Variants in MLLT3 observed in about 807,000 individuals in gnomAD.
MLLT3 encodes protein AF-9.
In MLLT3, 4 loss-of-function variants were observed where a neutral mutation model predicts 53.2. The ratio of observed to expected loss-of-function variants is 0.08; its 90% CI spans 0.04 to 0.17. MLLT3 has a LOEUF of 0.17. MLLT3 is among the 10% of genes least tolerant of loss of function. The pLI is 1.00. For synonymous variants in MLLT3, 283 were observed against 230.6 expected (o/e 1.23, Z -2.06); for missense variants, 569 against 684.0 (o/e 0.83, Z 1.87).
intron 2 of MLLT3, among the ~76,000 whole-genome samples, chr9:20,578,581 C>CTA (rs1289195223): frequency 1.3e-5 from 2 of 152,014 alleles, no homozygotes; most frequent in African/African-American, 4.8e-5. Flanking sequence ...GTCAAGAACA[C>CTA]TATGATATCT....
At chr9:20,607,617 G>T (rs1820602230) in intron 2 of MLLT3, among the ~76,000 whole-genome samples, 1 of 152,174 alleles carries the variant, frequency 6.6e-6, no homozygotes, top group Admixed American at 6.5e-5. Context: ...TTCTAAGGTA[G>T]AGTTAATCTA....
intron 5 of MLLT3, among the ~76,000 whole-genome samples, chr9:20,399,052 T>C (rs1375862500): frequency 6.6e-6 from 1 of 152,184 alleles, no homozygotes; most frequent in Non-Finnish European, 1.5e-5. Flanking sequence ...TTGCTTACTG[T>C]GACCTCCAAT....
chr9:20,613,836 A>G (rs1587133289), intron 2 of MLLT3, among the ~76,000 whole-genome samples: 1 of 152,172 alleles, frequency 6.6e-6, no homozygotes, highest in East Asian at 1.9e-4. Flanking sequence ...TTGGTAATAT[A>G]TAACAAAATT....
intron 2 of MLLT3, among the ~76,000 whole-genome samples, chr9:20,616,747 A>G (rs1820843045): frequency 6.6e-6 from 1 of 152,108 alleles, no homozygotes; most frequent in African/African-American, 2.4e-5. Context: ...CTTTTTATAG[A>G]TTATCATCAT....
rs1210141190 is a variant in MLLT3, at chr9:20,503,453, C to T, written c.194-46667G>A. 3.3e-5 allele frequency among the ~76,000 whole-genome samples: 5 copies of T among 152,158 alleles called. No individual in the cohort carries two copies. The South Asian group carries it at 8.3e-4, about 25-fold the overall frequency. On this transcript the variant is annotated intron_variant, in intron 2 of 10. Transcript: ENST00000380338. ...AGAATGCACAATGGGGAAAGCACAGCCTCTTCAATAAATGGTGTTAGGAAA... is the reference window on the plus strand; with the variant it reads ...AGAATGCACAATGGGGAAAGCACAGTCTCTTCAATAAATGGTGTTAGGAAA...
intron 5 of MLLT3, among the ~76,000 whole-genome samples, chr9:20,374,813 G>C (rs2118679081): frequency 6.6e-6 from 1 of 152,264 alleles, no homozygotes. Flanking sequence ...GTGAGTGATA[G>C]GAATTATGCC....
intron 8 of MLLT3, among the ~76,000 whole-genome samples, chr9:20,357,344 C>G (rs1375413215): frequency 6.6e-6 from 1 of 152,142 alleles, no homozygotes; most frequent in Non-Finnish European, 1.5e-5. Context: ...AAAAAACCAT[C>G]TCTGGTTGAA....
At chr9:20,438,350 A>T (rs1823457138) in intron 4 of MLLT3, among the ~76,000 whole-genome samples, 1 of 152,178 alleles carries the variant, frequency 6.6e-6, no homozygotes, top group Non-Finnish European at 1.5e-5. Flanking sequence ...ATTCAGCTAC[A>T]CTATGCTAGC....
rs757972202 is a variant in MLLT3 at position 20,413,943 on chromosome 9, A to C, written c.903T>G (p.Ser301Arg). The change falls in exon 5 of 11, where the codon AGT becomes AGG. Residue 301 changes from serine (S) to arginine (R), a missense_variant. Around this residue, in one of 5 missense-constraint regions of MLLT3, gnomAD observed 437 missense variants for 376.5 expected, o/e 1.16. Transcript: ENST00000380338. ...EELSAKKRKK[S>R]SSEALFKSFS... ...AACTTTTAAATAAAGCCTCTGAGCT[A>C]CTCTTTTTCCTTTTTTTGGCTGAGA... 3.7e-6 allele frequency: 6 copies of C among 1,613,516 alleles called. No homozygotes were observed. The highest frequency in any genetic ancestry group is 4.2e-6 in the Non-Finnish European group (5 of 1,179,900).
intron 4 of MLLT3, among the ~76,000 whole-genome samples, chr9:20,427,242 C>A: frequency 6.8e-6 from 1 of 147,860 alleles, no homozygotes; most frequent in South Asian, 2.1e-4. Context: ...AAAAAGCGAC[C>A]AAGCAATAAG....
chr9:20,382,049 G>T (rs1821921343), intron 5 of MLLT3, among the ~76,000 whole-genome samples: 1 of 151,770 alleles, frequency 6.6e-6, no homozygotes, highest in Non-Finnish European at 1.5e-5. Context: ...GAGGAGAAGG[G>T]TATCTTTTTT....
intron 4 of MLLT3, among the ~76,000 whole-genome samples, chr9:20,442,479 T>C (rs994047599): frequency 6.6e-6 from 1 of 152,202 alleles, no homozygotes; most frequent in Non-Finnish European, 1.5e-5. Context: ...GCACTGTGTG[T>C]ATATTTACCT....
chr9:20,582,313 C>T lies in MLLT3; in HGVS notation c.193+38341G>A, dbSNP rs182005907. ...TCTATGGGTTTTGACAAATGTATAA[C>T]GTCATGTAACCACTCATAACAGTAT... On this transcript the variant is annotated intron_variant, in intron 2 of 10. Coordinates refer to ENST00000380338, the MANE Select transcript of MLLT3 (RefSeq NM_004529.4). 3.5e-3 allele frequency among the ~76,000 whole-genome samples: 534 copies of T among 152,222 alleles called. 4 individuals are homozygous for T. Among genetic ancestry groups the T allele is most frequent in the Middle Eastern group, 0.01 (3 of 294 alleles).
At chr9:20,379,372 A>G (rs1408025299) in intron 5 of MLLT3, among the ~76,000 whole-genome samples, 2 of 152,080 alleles carry the variant, frequency 1.3e-5, no homozygotes, top group Non-Finnish European at 2.9e-5. Context: ...ACTAAAGAAC[A>G]CAGAATTTAG....
In MLLT3 at chr9:20,491,578, A is replaced by G. The variant is rs1824949340; in HGVS notation, c.194-34792T>C. Among the ~76,000 whole-genome samples the G allele has an allele frequency of 2.0e-5, 3 of 152,308 alleles. No homozygotes were observed. The South Asian group carries it at 6.2e-4, about 32-fold the overall frequency. Reference sequence around the variant, plus strand: ...ATAAATGGCATTTCCTACTCCTCAAAGAGTTACTGCTAAAGATAGTAAAAA... The same window carrying G: ...ATAAATGGCATTTCCTACTCCTCAAGGAGTTACTGCTAAAGATAGTAAAAA... On this transcript the variant is annotated intron_variant, in intron 2 of 10. Transcript: ENST00000380338.
chr9:20,411,443 T>C lies in MLLT3; in HGVS notation c.1125+2278A>G, dbSNP rs140278320. ...ACCTACTTTTCAAGTATTGAACCAA[T>C]AGCAACAACAATAAAGCCATTACTA... On this transcript the variant is annotated intron_variant, in intron 5 of 10. Coordinates refer to ENST00000380338, the MANE Select transcript of MLLT3 (RefSeq NM_004529.4). Among the ~76,000 whole-genome samples the C allele has an allele frequency of 1.7e-3, 258 of 152,260 alleles. 1 individual carries two copies. Among genetic ancestry groups the C allele is most frequent in the African/African-American group, 5.8e-3 (243 of 41,558 alleles).
chr9:20,536,249 A>G (rs1352104288), intron 2 of MLLT3, among the ~76,000 whole-genome samples: 1 of 152,230 alleles, frequency 6.6e-6, no homozygotes, highest in Non-Finnish European at 1.5e-5. Context: ...AAACAGAAAG[A>G]AGAAAATGGC....
At chr9:20,410,357 G>A (rs957886276) in intron 5 of MLLT3, among the ~76,000 whole-genome samples, 14 of 152,222 alleles carry the variant, frequency 9.2e-5, no homozygotes, top group African/African-American at 3.1e-4. Context: ...TTATTAGTGT[G>A]TTAACGTTTC....
At chr9:20,353,427 C>A in intron 10 of MLLT3, 98 bp downstream of exon 10, 1 of 976,046 alleles carries the variant, frequency 1.0e-6, no homozygotes, top group Non-Finnish European at 1.6e-6. Context: ...GTTCTGATAG[C>A]GTGGGGCTGC....
Sources: allele counts gnomAD v4.1 joint callset (sites outside exome capture counted in the v4.1 genomes callset), GRCh38; gene constraint gnomAD v4.1.1; regional missense constraint gnomAD v4.1.1; transcripts MANE v1.5; gene names NCBI Gene and HGNC (gene_info 2026-07-23, HGNC 2026-07-21).